EPS15: variants seen among roughly 807,000 people sequenced by gnomAD.
EPS15 encodes the protein epidermal growth factor receptor pathway substrate 15.
EPS15 carries 72 observed loss-of-function variants against 113.8 expected under a neutral mutation model. The ratio of observed to expected loss-of-function variants is 0.63; its 90% CI spans 0.52 to 0.77. EPS15 has a LOEUF of 0.77. Ranked by LOEUF, EPS15 falls within the 30% of genes least tolerant of loss-of-function variation. The pLI, the probability that EPS15 is intolerant of heterozygous loss-of-function variation, is 0.00. For synonymous variants in EPS15, 344 were observed against 363.4 expected, an observed-to-expected ratio of 0.95 and a Z score of 0.61; for missense variants, 1,048 against 1,045.8, an observed-to-expected ratio of 1.00 and a Z score of -0.03.
At chr1:51,512,908 G>T (rs1458751763) in intron 1 of EPS15, among the ~76,000 whole-genome samples, 1 of 145,830 alleles carries the variant, frequency 6.9e-6, no homozygotes, top group East Asian at 2.0e-4. Context: ...GGAGTGCAGT[G>T]GTGCAATTAT....
At position 51,403,482 on chromosome 1, in the gene EPS15, C is replaced by T. The variant is rs1444516075; in HGVS notation, c.1728G>A (p.Glu576=). The change falls in exon 17 of 25, where the codon GAG becomes GAA. Residue 576 remains glutamate, a synonymous_variant. Transcript: ENST00000371733. ...LLPSGVTDEN[E]VTTAVTEKVC... is the part of the protein sequence containing the mutation. ...CTTTTTCAGTAACAGCTGTAGTCACCTCATTTTCATCAGTCACACCAGAAG... is the reference window on the plus strand; with the variant it reads ...CTTTTTCAGTAACAGCTGTAGTCACTTCATTTTCATCAGTCACACCAGAAG... 6.2e-7 allele frequency: 1 copy of T among 1,609,742 alleles called. No individual in the cohort carries two copies.
intron 1 of EPS15, among the ~76,000 whole-genome samples, chr1:51,489,711 G>T (rs1487891064): frequency 6.6e-6 from 1 of 152,120 alleles, no homozygotes; most frequent in East Asian, 1.9e-4. Flanking sequence ...CTCCGTGGGT[G>T]TTCCAAGGGT....
intron 21 of EPS15, among the ~76,000 whole-genome samples, chr1:51,383,277 T>C (rs72694159): frequency 0.03 from 4,582 of 152,350 alleles, 76 homozygotes; most frequent in African/African-American, 0.05. Context: ...GAATATCACA[T>C]TCAATCTTGA....
At chr1:51,358,542 G>A (rs1294034664) in intron 24 of EPS15, among the ~76,000 whole-genome samples, 4 of 152,052 alleles carry the variant, frequency 2.6e-5, no homozygotes, top group East Asian at 3.9e-4. Context: ...TTTTCCCTAG[G>A]GAATTAAGCA....
At chr1:51,371,348 G>C (rs1013494091) in intron 21 of EPS15, among the ~76,000 whole-genome samples, 1 of 152,204 alleles carries the variant, frequency 6.6e-6, no homozygotes, top group Non-Finnish European at 1.5e-5. Context: ...TCATGTGTTT[G>C]ACTGCCCCCA....
intron 12 of EPS15, among the ~76,000 whole-genome samples, chr1:51,434,056 A>G (rs1436361686): frequency 6.6e-6 from 1 of 152,232 alleles, no homozygotes; most frequent in Non-Finnish European, 1.5e-5. Context: ...CCTGAAATAA[A>G]TACAAAATAG....
chr1:51,395,526 A>G (rs1277836497), intron 20 of EPS15, among the ~76,000 whole-genome samples: 3 of 151,204 alleles, frequency 2.0e-5, no homozygotes, highest in Non-Finnish European at 4.4e-5. Flanking sequence ...ACACACATAC[A>G]CACACACACA....
chr1:51,493,341 A>G (rs1439828704), intron 1 of EPS15, among the ~76,000 whole-genome samples: 2 of 146,572 alleles, frequency 1.4e-5, no homozygotes, highest in Non-Finnish European at 3.0e-5. Flanking sequence ...AGCCTGGATG[A>G]CAGAGCGAGA....
chr1:51,508,278 G>GAGAA (rs1293676448), intron 1 of EPS15, among the ~76,000 whole-genome samples: 1 of 130,420 alleles, frequency 7.7e-6, no homozygotes, highest in Non-Finnish European at 1.5e-5. Flanking sequence ...GAGAGAAAGA[G>GAGAA]AGAAAGAGAG....
chr1:51,434,736 A>T (rs1387397262), intron 12 of EPS15, among the ~76,000 whole-genome samples: 6 of 152,262 alleles, frequency 3.9e-5, no homozygotes, highest in Middle Eastern at 3.4e-3. Context: ...CAGTGGCGTA[A>T]TCTCGGCTCA....
At chr1:51,423,206 A>G (rs72696106) in intron 12 of EPS15, 37,905 of 1,288,676 alleles carry the variant, frequency 0.029, 691 homozygotes, top group Non-Finnish European at 0.034. Flanking sequence ...GAGCTCACTA[A>G]CCGTTTGTCA....
chr1:51,470,893 C>T (rs1655188038), intron 4 of EPS15, among the ~76,000 whole-genome samples: 1 of 152,168 alleles, frequency 6.6e-6, no homozygotes. Context: ...TGCTGACTGA[C>T]TACATGGCAC....
Position 51,506,656 on chromosome 1 carries a change from A to T in EPS15, c.33+12543T>A, listed in dbSNP as rs190547341. Among the ~76,000 whole-genome samples the T allele has an allele frequency of 1.5e-3, 226 of 152,176 alleles. 1 individual carries two copies. The highest frequency in any genetic ancestry group is 5.4e-3 in the African/African-American group (223 of 41,512). On this transcript the variant is annotated intron_variant, in intron 1 of 24. Transcript: ENST00000371733. ...AGAAAACGTGCCAAGCAGAGAGACA[A>T]ACCAGGACATTTCAAGCAAGTATGG... is the stretch of plus-strand genomic sequence containing the variant.
At chr1:51,409,786 A>C in intron 13 of EPS15, 90 bp from the exon 14 acceptor site, 2 of 855,978 alleles carry the variant, frequency 2.3e-6, no homozygotes, top group Admixed American at 2.4e-5. Context: ...AGAAAGAATA[A>C]AGTCTTACTG....
chr1:51,398,350 G>A (rs1330312702), intron 20 of EPS15, among the ~76,000 whole-genome samples: 1 of 152,206 alleles, frequency 6.6e-6, no homozygotes, highest in Non-Finnish European at 1.5e-5. Context: ...ACCGCGCCCA[G>A]CCATGAAGAT....
chr1:51,455,076 C>A (rs1052698131), intron 8 of EPS15, among the ~76,000 whole-genome samples: 2 of 152,148 alleles, frequency 1.3e-5, no homozygotes, highest in African/African-American at 4.8e-5. Context: ...GGCTCATTCA[C>A]CAAATACTAG....
At chr1:51,362,006 C>T (rs1646397178) in intron 23 of EPS15, among the ~76,000 whole-genome samples, 1 of 152,176 alleles carries the variant, frequency 6.6e-6, no homozygotes, top group African/African-American at 2.4e-5. Flanking sequence ...GTATTCTGTC[C>T]TATTAGTCAC....
chr1:51,366,091 G>C, intron 21 of EPS15, 62 bp from the exon 22 acceptor site: 5 of 1,153,968 alleles, frequency 4.3e-6, no homozygotes, highest in African/African-American at 1.5e-5. Flanking sequence ...TTTTGAGACA[G>C]AGTCTCACTC....
intron 1 of EPS15, among the ~76,000 whole-genome samples, chr1:51,493,636 G>C (rs758897107): frequency 1.5e-4 from 23 of 150,946 alleles, no homozygotes; most frequent in Non-Finnish European, 2.8e-4. Flanking sequence ...GGGTGGATGG[G>C]AGGACAGAGT....
Sources: gnomAD v4.1 joint callset for allele counts (sites outside exome capture counted in the v4.1 genomes callset) on GRCh38, gnomAD v4.1.1 for gene constraint, MANE v1.5 for transcripts, NCBI Gene and HGNC (gene_info 2026-07-23, HGNC 2026-07-21) for gene names.